The following ADGB variants were observed in gnomAD, a reference collection of about 807,000 sequenced individuals.
The protein encoded by ADGB is calpain-7-like protein.
Under a neutral mutation model 210.5 loss-of-function variants are expected in ADGB, and 172 were observed. The observed-to-expected ratio is 0.82, with a 90% CI of 0.72 to 0.93. The LOEUF is 0.93. Among genes scored for constraint, ADGB ranks in the 40% least tolerant of loss-of-function variants. The pLI is 0.00. For missense variants in ADGB, 2,025 were observed against 1,964.8 expected (o/e 1.03, Z -0.58); for synonymous variants, 658 against 662.7 (o/e 0.99, Z 0.11).
chr6:146,608,406 C>A (rs1780660946), intron 1 of ADGB, among the ~76,000 whole-genome samples: 1 of 151,746 alleles, frequency 6.6e-6, no homozygotes, highest in South Asian at 2.1e-4. Context: ...TATTTCTTCC[C>A]CCTTCTAGCT....
At chr6:146,669,677 C>T (rs971892215) in intron 7 of ADGB, among the ~76,000 whole-genome samples, 1 of 152,086 alleles carries the variant, frequency 6.6e-6, no homozygotes, top group Non-Finnish European at 1.5e-5. Context: ...GTTCCTCAAC[C>T]ACAGTACAGC....
Position 146,782,190 on chromosome 6 carries a change from C to A in ADGB, c.4033C>A (p.Gln1345Lys), listed in dbSNP as rs1777811329. 3.3e-6 allele frequency: 5 copies of A among 1,521,896 alleles called. No individual in the cohort carries two copies. The highest frequency in any genetic ancestry group is 4.4e-6 in the Non-Finnish European group (5 of 1,137,724). 94.3% of individuals were successfully genotyped at this position (1,521,896 alleles called of 1,614,324 possible). A position where few individuals can be genotyped will look rare whatever the true frequency, so the allele number is the denominator to read the frequency against. ...AAAACAAGCACCTCGCTTTGAGCCTCAGGTGGGTGTGGAATTTTTTTTATT... is the reference window on the plus strand; with the variant it reads ...AAAACAAGCACCTCGCTTTGAGCCTAAGGTGGGTGTGGAATTTTTTTTATT... ...KEKQAPRFEP[Q>K]ISTVHPQQED... Residue 1345 changes from glutamine to lysine, a missense_variant and splice_region_variant, in exon 30 of 36, where the codon CAG (glutamine) becomes AAG (lysine). Gln to Lys is a moderately conservative substitution (Grantham distance 53, BLOSUM62 1). Transcript: ENST00000397944.
rs1184456493 is a variant in ADGB, at chr6:146,811,459, AG to A, written c.4819-3571del. Among the ~76,000 whole-genome samples the A allele has an allele frequency of 2.0e-5, 3 of 147,132 alleles. No homozygotes were observed. The East Asian group carries it at 6.1e-4, about 30-fold the overall frequency. On this transcript the variant is annotated intron_variant, in intron 35 of 35. Coordinates refer to ENST00000397944, the MANE Select transcript of ADGB (RefSeq NM_024694.4). Reference sequence around the variant, plus strand: ...TGTGTGTTTATATATATATATATTCAGGATATTCAGGTAGTGTGTGTAAATA... The same window carrying A: ...TGTGTGTTTATATATATATATATTCAGATATTCAGGTAGTGTGTGTAAATA...
intron 9 of ADGB, among the ~76,000 whole-genome samples, chr6:146,681,063 A>T (rs984433466): frequency 6.6e-6 from 1 of 152,168 alleles, no homozygotes; most frequent in Admixed American, 6.5e-5. Context: ...ATTCAATTTC[A>T]TGGCCATACC....
intron 9 of ADGB, among the ~76,000 whole-genome samples, chr6:146,683,084 G>A (rs1026120532): frequency 3.3e-5 from 5 of 152,026 alleles, no homozygotes; most frequent in Admixed American, 6.6e-5. Context: ...GGTGAGTTTG[G>A]CTATGGGATG....
At chr6:146,794,643 G>A (rs755932971) in intron 33 of ADGB, among the ~76,000 whole-genome samples, 7 of 151,978 alleles carry the variant, frequency 4.6e-5, no homozygotes, top group African/African-American at 1.7e-4. Flanking sequence ...GGAAAGGGGG[G>A]TGGGACCTGG....
intron 13 of ADGB, among the ~76,000 whole-genome samples, chr6:146,710,908 A>C (rs1309711352): frequency 6.6e-6 from 1 of 152,068 alleles, no homozygotes; most frequent in African/African-American, 2.4e-5. Context: ...TATTTATTTT[A>C]TTATATTTTG....
At chr6:146,741,029 T>C in intron 24 of ADGB, 89 bp from the exon 25 acceptor site, 2 of 1,092,768 alleles carry the variant, frequency 1.8e-6, no homozygotes, top group Non-Finnish European at 2.5e-6. Flanking sequence ...AACTTTGGAT[T>C]TTTAAAAAAA....
chr6:146,691,040 G>A (rs752229548), intron 10 of ADGB, 76 bp from the exon 11 acceptor site: 3 of 1,305,478 alleles, frequency 2.3e-6, no homozygotes, highest in Non-Finnish European at 3.1e-6. Flanking sequence ...CTCTGTTCGT[G>A]ATAGTATTTT....
chr6:146,698,637 A>G (rs928806422), intron 12 of ADGB, among the ~76,000 whole-genome samples: 1 of 152,214 alleles, frequency 6.6e-6, no homozygotes, highest in Non-Finnish European at 1.5e-5. Context: ...ATGTCAAGCC[A>G]TGCGGGACAG....
At chr6:146,757,649 C>T (rs978509383) in intron 27 of ADGB, among the ~76,000 whole-genome samples, 1 of 151,516 alleles carries the variant, frequency 6.6e-6, no homozygotes, top group Non-Finnish European at 1.5e-5. Context: ...AAGTAAGGAT[C>T]CTTCTGTTCT....
intron 22 of ADGB, among the ~76,000 whole-genome samples, chr6:146,734,402 A>G (rs1777048565): frequency 2.6e-5 from 4 of 152,248 alleles, no homozygotes. Flanking sequence ...CAGCTAAGTC[A>G]TAGATATTTT....
Position 146,724,169 on chromosome 6 carries a change from T to G in ADGB, c.2096-17T>G, listed in dbSNP as rs1776861197. On this transcript the variant is annotated splice_polypyrimidine_tract_variant and intron_variant, in intron 17 of 35. Coordinates refer to ENST00000397944, the MANE Select transcript of ADGB (RefSeq NM_024694.4). ...CTTTCATGATCAAACTTTAATACCT[T>G]TTTACTTATCTTAAAGCCTTAACAA... 1 of 1,540,424 alleles carries G rather than the reference T, an allele frequency of 6.5e-7. No individual in the cohort carries two copies. The highest frequency in any genetic ancestry group is 8.7e-7 in the Non-Finnish European group (1 of 1,143,614).
At chr6:146,656,114 TC>T (rs1775777223) in intron 4 of ADGB, among the ~76,000 whole-genome samples, 1 of 152,180 alleles carries the variant, frequency 6.6e-6, no homozygotes, top group African/African-American at 2.4e-5. Context: ...GAAGCAACTT[TC>T]CCAGCAGCAG....
chr6:146,647,150 CAA>C (rs1775630705), intron 3 of ADGB, among the ~76,000 whole-genome samples: 1 of 140,218 alleles, frequency 7.1e-6, no homozygotes, highest in South Asian at 2.2e-4. Flanking sequence ...AAAAAACAAA[CAA>C]ACAAAAAAAA....
intron 9 of ADGB, among the ~76,000 whole-genome samples, chr6:146,679,903 G>T (rs981093112): frequency 6.6e-6 from 1 of 152,122 alleles, no homozygotes; most frequent in Non-Finnish European, 1.5e-5. Context: ...AGAGATTTGA[G>T]TTTTGCCAGT....
rs569473039 is a variant in ADGB, at chr6:146,786,111, G to T, written c.4315+399G>T. Among the ~76,000 whole-genome samples, 6 of 147,456 alleles carry T rather than the reference G, an allele frequency of 4.1e-5. No individual in the cohort carries two copies. In the East Asian group the frequency reaches 1.2e-3, roughly 29 times the overall value. The stretch of plus-strand genomic sequence containing the variant: ...AATAACAAAAAGAAGTCATTTTTAA[G>T]TATATAATATATATTTTAAGTATAT... On this transcript the variant is annotated intron_variant, in intron 32 of 35. Transcript: ENST00000397944.
chr6:146,614,964 G>A (rs776245221), intron 1 of ADGB, among the ~76,000 whole-genome samples: 4 of 152,096 alleles, frequency 2.6e-5, no homozygotes, highest in African/African-American at 7.2e-5. Context: ...GCAGTGGCAC[G>A]ATCTCGGCTC....
Position 146,733,151 on chromosome 6 carries a change from A to C in ADGB, c.2552A>C (p.Lys851Thr). The C allele has an allele frequency of 6.5e-7, 1 of 1,532,754 alleles. No homozygotes were observed. 94.9% of individuals were successfully genotyped at this position (1,532,754 alleles called of 1,614,324 possible). ...CATCTTTCCTTATGGCGTTTAATGA[A>C]AAAAGTTCAAATAACAAAACCTCCT... ...VFHLSLWRLM[K>T]KVQITKPPPN... The change falls in exon 21 of 36, where the codon AAA (lysine) becomes ACA (threonine). Residue 851 changes from lysine (K) to threonine (T), a missense_variant. Coordinates refer to ENST00000397944, the MANE Select transcript of ADGB (RefSeq NM_024694.4).
Sources: gnomAD v4.1 joint callset for allele counts (sites outside exome capture counted in the v4.1 genomes callset) on GRCh38, gnomAD v4.1.1 for gene constraint, MANE v1.5 for transcripts, NCBI Gene and HGNC (gene_info 2026-07-23, HGNC 2026-07-21) for gene names.